The following ATP8B4 variants were observed in gnomAD, a reference collection of about 807,000 sequenced individuals.
ATP8B4 encodes ATPase phospholipid transporting 8B4 (putative), also known as probable phospholipid-transporting ATPase IM.
ATP8B4 carries 133 observed loss-of-function variants against 145.6 expected under a neutral mutation model. The observed-to-expected ratio is 0.91, with a 90% confidence interval of 0.79 to 1.05. The LOEUF (loss-of-function observed/expected upper bound fraction) is 1.05, where lower values mean the gene tolerates loss of function less well. Among genes scored for constraint, ATP8B4 ranks in the 50% least tolerant of loss-of-function variants. The pLI is 0.00. For synonymous variants in ATP8B4, 507 were observed against 492.9 expected (o/e 1.03, Z -0.38); for missense variants, 1,458 against 1,425.2 (o/e 1.02, Z -0.37).
At chr15:49,883,988 C>T (rs1363927739) in intron 23 of ATP8B4, among the ~76,000 whole-genome samples, 1 of 152,078 alleles carries the variant, frequency 6.6e-6, no homozygotes, top group African/African-American at 2.4e-5. Flanking sequence ...ACCCAGGTGT[C>T]TTCTATTATG....
At chr15:50,174,981 A>C (rs1024141079) in intron 1 of ATP8B4, among the ~76,000 whole-genome samples, 4 of 152,242 alleles carry the variant, frequency 2.6e-5, no homozygotes, top group African/African-American at 9.6e-5. Flanking sequence ...ATAACCCAGA[A>C]ATAAACCCAA....
chr15:49,999,243 A>G (rs1200193995), intron 8 of ATP8B4, among the ~76,000 whole-genome samples: 1 of 151,956 alleles, frequency 6.6e-6, no homozygotes, highest in African/African-American at 2.4e-5. Context: ...AGGGACATGG[A>G]TGAAATTGGA....
Position 50,111,998 on chromosome 15 carries a change from C to T in ATP8B4, c.-42-4990G>A, listed in dbSNP as rs755894305. On this transcript the variant is annotated intron_variant, in intron 1 of 27. Coordinates refer to ENST00000284509, the MANE Select transcript of ATP8B4 (RefSeq NM_024837.4). ...GCCTGAGCAAATTGTGAGACCTGGTCTCTATAAAAATAAATAAATAAATGG... is the reference window on the plus strand; with the variant it reads ...GCCTGAGCAAATTGTGAGACCTGGTTTCTATAAAAATAAATAAATAAATGG... Among the ~76,000 whole-genome samples, 180 of 151,900 alleles carry T rather than the reference C, an allele frequency of 1.2e-3. 3 individuals carry two copies. Among genetic ancestry groups the T allele is most frequent in the Non-Finnish European group, 2.1e-4 (14 of 68,006 alleles).
At chr15:49,997,953 G>A (rs1185837998) in intron 8 of ATP8B4, among the ~76,000 whole-genome samples, 2 of 152,074 alleles carry the variant, frequency 1.3e-5, no homozygotes, top group Admixed American at 1.3e-4. Flanking sequence ...AATTGAGCTG[G>A]GCTTGACGGA....
intron 1 of ATP8B4, among the ~76,000 whole-genome samples, chr15:50,180,535 G>A (rs1002831159): frequency 6.6e-6 from 1 of 152,172 alleles, no homozygotes; most frequent in Non-Finnish European, 1.5e-5. Flanking sequence ...CTAGCACTCT[G>A]GGTAGACAGT....
At chr15:50,141,891 G>T (rs2044217516) in intron 1 of ATP8B4, among the ~76,000 whole-genome samples, 1 of 152,152 alleles carries the variant, frequency 6.6e-6, no homozygotes. Flanking sequence ...CAGAAAGTCT[G>T]CACAGCACTG....
At chr15:50,068,248 A>G (rs1238011031) in intron 3 of ATP8B4, among the ~76,000 whole-genome samples, 1 of 152,196 alleles carries the variant, frequency 6.6e-6, no homozygotes, top group Non-Finnish European at 1.5e-5. Flanking sequence ...AAAGGAGTTC[A>G]TGTTGCAGGG....
At chr15:49,924,112 T>C (rs1306309818) in intron 16 of ATP8B4, among the ~76,000 whole-genome samples, 3 of 152,060 alleles carry the variant, frequency 2.0e-5, no homozygotes, top group Admixed American at 6.5e-5. Context: ...CCACTGGAAG[T>C]CTATATCGGT....
intron 20 of ATP8B4, among the ~76,000 whole-genome samples, chr15:49,903,699 G>A (rs916850032): frequency 2.0e-5 from 3 of 152,262 alleles, no homozygotes; most frequent in East Asian, 1.9e-4. Context: ...TTCAAGACCA[G>A]CCTGAACAAC....
At chr15:50,026,020 GA>G (rs1379051477) in intron 6 of ATP8B4, among the ~76,000 whole-genome samples, 1 of 152,162 alleles carries the variant, frequency 6.6e-6, no homozygotes, top group Non-Finnish European at 1.5e-5. Flanking sequence ...CTTCCATCTG[GA>G]ATACAATTTA....
chr15:50,039,225 T>C (rs755404069), intron 5 of ATP8B4, among the ~76,000 whole-genome samples: 2 of 152,246 alleles, frequency 1.3e-5, no homozygotes, highest in Non-Finnish European at 2.9e-5. Flanking sequence ...TAGAACATCA[T>C]TCTTTCTGTT....
intron 23 of ATP8B4, chr15:49,879,903 C>T (rs2035113524): frequency 6.6e-6 from 1 of 152,626 alleles, no homozygotes; most frequent in Admixed American, 6.5e-5. Context: ...TATTTCTATC[C>T]TGTGTTAAAA....
In ATP8B4 at chr15:49,859,934, TAAA is replaced by T. The variant is rs56272247; in HGVS notation, c.*257_*259del. The T allele has an allele frequency of 8.8e-3, 3,157 of 357,572 alleles. No homozygotes were observed. The highest frequency in any genetic ancestry group is 0.014 in the Middle Eastern group (18 of 1,280). 22.1% of individuals were successfully genotyped at this position (357,572 alleles called of 1,614,324 possible). On this transcript the variant is annotated 3_prime_UTR_variant, in exon 28 of 28. Transcript: ENST00000284509. ...AGGTCAATTGGTATCTAGGTTGATTTAAAAAAAAAAAAAATCTGTACTTGTAAC... is the reference window on the plus strand; with the variant it reads ...AGGTCAATTGGTATCTAGGTTGATTTAAAAAAAAAAATCTGTACTTGTAAC...
intron 14 of ATP8B4, among the ~76,000 whole-genome samples, chr15:49,949,455 T>C (rs2042872057): frequency 6.6e-6 from 1 of 152,190 alleles, no homozygotes; most frequent in Admixed American, 6.5e-5. Flanking sequence ...TCATTCATGA[T>C]TTGGCTCTCT....
intron 8 of ATP8B4, among the ~76,000 whole-genome samples, chr15:49,998,864 T>C (rs1170127590): frequency 6.6e-6 from 1 of 152,212 alleles, no homozygotes; most frequent in African/African-American, 2.4e-5. Flanking sequence ...AGGGTTTTTA[T>C]GGTTTTAGGT....
At chr15:50,179,460 C>T (rs2044812199) in intron 1 of ATP8B4, among the ~76,000 whole-genome samples, 1 of 151,906 alleles carries the variant, frequency 6.6e-6, no homozygotes. Context: ...TGGTGGAAGA[C>T]AATAGGAAGC....
intron 16 of ATP8B4, among the ~76,000 whole-genome samples, chr15:49,930,851 T>G (rs1599222792): frequency 1.3e-5 from 2 of 152,058 alleles, no homozygotes; most frequent in South Asian, 4.1e-4. Context: ...TGTGGTTTAT[T>G]TTTAAAATTT....
At position 50,074,100 on chromosome 15, in the gene ATP8B4, C is replaced by T. The variant is rs369520430; in HGVS notation, c.87+27G>A. 206 of 1,593,868 alleles carry T rather than the reference C, an allele frequency of 1.3e-4. 1 individual carries two copies. Among genetic ancestry groups the T allele is most frequent in the South Asian group, 1.7e-4 (15 of 90,236 alleles). ...TCTTTAGGTAAGACCTATCCTAGTA[C>T]GTATGTGTTATGTGTGTTTCACTTA... On this transcript the variant is annotated intron_variant, in intron 3 of 27. Transcript: ENST00000284509.
At chr15:50,139,355 A>C (rs560311195) in intron 1 of ATP8B4, among the ~76,000 whole-genome samples, 1 of 152,110 alleles carries the variant, frequency 6.6e-6, no homozygotes, top group East Asian at 1.9e-4. Flanking sequence ...CAAACACCGC[A>C]TGTTCTCACT....
Sources: gnomAD v4.1 joint callset for allele counts (sites outside exome capture counted in the v4.1 genomes callset) on GRCh38, gnomAD v4.1.1 for gene constraint, MANE v1.5 for transcripts, NCBI Gene and HGNC (gene_info 2026-07-23, HGNC 2026-07-21) for gene names.